Variants in ABCC4 observed in about 807,000 individuals in gnomAD.
ABCC4 encodes ATP binding cassette subfamily C member 4 (PEL blood group).
A neutral mutation model predicts 168.5 loss-of-function variants in ABCC4; 102 were observed. The observed-to-expected ratio is 0.61, with a 90% CI of 0.52 to 0.71. The LOEUF (loss-of-function observed/expected upper bound fraction) is 0.71, where lower values mean the gene tolerates loss of function less well. Among genes scored for constraint, ABCC4 ranks in the 30% least tolerant of loss-of-function variants. The probability of loss-of-function intolerance (pLI) is 0.00; values close to 1 mark genes in which losing one functional copy is unlikely to be tolerated. For missense variants in ABCC4, 1,402 were observed against 1,605.8 expected, an observed-to-expected ratio of 0.87 and a Z score of 2.17; for synonymous variants, 617 against 590.7, an observed-to-expected ratio of 1.04 and a Z score of -0.65.
At chr13:95,133,043 T>C (rs144606117) in intron 19 of ABCC4, among the ~76,000 whole-genome samples, 3 of 151,882 alleles carry the variant, frequency 2.0e-5, no homozygotes, top group African/African-American at 4.8e-5. Context: ...CCAAACTATA[T>C]AGAGTACTTA....
At chr13:95,188,085 A>AG (rs2139623569) in intron 10 of ABCC4, among the ~76,000 whole-genome samples, 1 of 152,326 alleles carries the variant, frequency 6.6e-6, no homozygotes, top group Non-Finnish European at 1.5e-5. Context: ...AAAGCTTTTC[A>AG]GACAAGCCTT....
chr13:95,065,261 G>A (rs904556545), intron 25 of ABCC4, among the ~76,000 whole-genome samples: 6 of 152,266 alleles, frequency 3.9e-5, no homozygotes, highest in African/African-American at 9.6e-5. Context: ...TTACCTCAGT[G>A]CAAGGCTGCA....
chr13:95,060,781 T>C (rs1293922394), intron 26 of ABCC4, among the ~76,000 whole-genome samples: 1 of 152,204 alleles, frequency 6.6e-6, no homozygotes, highest in African/African-American at 2.4e-5. Context: ...CATTTCAAAG[T>C]CAACATTTCA....
At chr13:95,063,011 G>A in intron 25 of ABCC4, 152 bp from the exon 26 acceptor site, 1 of 921,364 alleles carries the variant, frequency 1.1e-6, no homozygotes, top group Non-Finnish European at 1.6e-6. Flanking sequence ...CAGCACTGAT[G>A]ACCTTCTGAG....
At chr13:95,228,507 G>A (rs1300438692) in intron 4 of ABCC4, among the ~76,000 whole-genome samples, 1 of 152,120 alleles carries the variant, frequency 6.6e-6, no homozygotes, top group African/African-American at 2.4e-5. Flanking sequence ...AGGCGCAGTG[G>A]CTCACACCTG....
intron 20 of ABCC4, among the ~76,000 whole-genome samples, chr13:95,110,079 C>T (rs570834046): frequency 5.3e-5 from 8 of 152,230 alleles, no homozygotes; most frequent in East Asian, 1.9e-4. Context: ...GAGGCCGAGA[C>T]GGGCAGATCA....
intron 20 of ABCC4, among the ~76,000 whole-genome samples, chr13:95,083,572 G>A (rs2034168181): frequency 6.7e-6 from 1 of 149,568 alleles, no homozygotes; most frequent in Admixed American, 6.7e-5. Flanking sequence ...TGTCACCCAG[G>A]CTGGAGTGAA....
intron 1 of ABCC4, among the ~76,000 whole-genome samples, chr13:95,262,610 T>C (rs1347782641): frequency 6.6e-6 from 1 of 150,696 alleles, no homozygotes; most frequent in African/African-American, 2.5e-5. Flanking sequence ...CCAGCTGAAG[T>C]CAAACGAAAT....
In ABCC4 at chr13:95,301,412, C is replaced by G; in HGVS notation, c.-98G>C. The G allele has an allele frequency of 9.3e-7, 1 of 1,070,206 alleles. No homozygotes were observed. Among genetic ancestry groups the G allele is most frequent in the Non-Finnish European group, 1.3e-6 (1 of 772,080 alleles). 66.3% of individuals were successfully genotyped at this position (1,070,206 alleles called of 1,614,324 possible). On this transcript the variant is annotated 5_prime_UTR_variant, in exon 1 of 31. Coordinates refer to ENST00000645237, the MANE Select transcript of ABCC4 (RefSeq NM_005845.5). The stretch of plus-strand genomic sequence containing the variant: ...ACCTCAAGCAGGGATGCTGGGGCTC[C>G]GGCCGCCACGCCTGTCCGCTCGGCT...
intron 3 of ABCC4, among the ~76,000 whole-genome samples, chr13:95,236,438 GAGA>G (rs2039772129): frequency 1.3e-5 from 2 of 152,154 alleles, no homozygotes; most frequent in Non-Finnish European, 2.9e-5. Context: ...TCTGAAGTGA[GAGA>G]AGAACAATCA....
chr13:95,084,494 T>C (rs899483266), intron 20 of ABCC4, among the ~76,000 whole-genome samples: 2 of 152,242 alleles, frequency 1.3e-5, no homozygotes, highest in Non-Finnish European at 2.9e-5. Flanking sequence ...TTTACATGTT[T>C]TAAAAGACCT....
chr13:95,140,619 A>G (rs1005549799), intron 19 of ABCC4, among the ~76,000 whole-genome samples: 51 of 152,348 alleles, frequency 3.3e-4, no homozygotes, highest in Middle Eastern at 3.4e-3. Flanking sequence ...TTGAACTTTA[A>G]AGGAAAAAAA....
intron 25 of ABCC4, among the ~76,000 whole-genome samples, chr13:95,067,161 C>A (rs913604840): frequency 1.3e-5 from 2 of 152,102 alleles, no homozygotes; most frequent in African/African-American, 2.4e-5. Flanking sequence ...CATCGCTGTG[C>A]TGAGCTGGTA....
chr13:95,023,386 C>T (rs547374196), intron 30 of ABCC4, among the ~76,000 whole-genome samples: 7 of 152,272 alleles, frequency 4.6e-5, no homozygotes, highest in African/African-American at 1.7e-4. Flanking sequence ...CTATGGGTAA[C>T]AGCACAGGTG....
intron 13 of ABCC4, among the ~76,000 whole-genome samples, chr13:95,171,676 T>C (rs1461451413): frequency 6.6e-6 from 1 of 152,148 alleles, no homozygotes; most frequent in Non-Finnish European, 1.5e-5. Context: ...GTCTTCCTCA[T>C]ATGCAGCCAC....
intron 4 of ABCC4, among the ~76,000 whole-genome samples, chr13:95,233,227 A>G (rs61972720): frequency 0.068 from 10,279 of 152,038 alleles, 383 homozygotes; most frequent in East Asian, 0.1. Context: ...CACAATGTAC[A>G]TTGTATATTG....
chr13:95,093,924 G>A (rs2034512256), intron 20 of ABCC4, among the ~76,000 whole-genome samples: 1 of 151,924 alleles, frequency 6.6e-6, no homozygotes, highest in African/African-American at 2.4e-5. Flanking sequence ...TTTTACAATA[G>A]CTGCAAAAAT....
At chr13:95,226,890 T>C (rs1236717381) in intron 4 of ABCC4, among the ~76,000 whole-genome samples, 3 of 152,232 alleles carry the variant, frequency 2.0e-5, no homozygotes, top group African/African-American at 4.8e-5. Flanking sequence ...GCTATCTCTG[T>C]GAACTGGAAG....
chr13:95,022,529 C>G (rs540547738), intron 30 of ABCC4, among the ~76,000 whole-genome samples: 6 of 152,248 alleles, frequency 3.9e-5, no homozygotes, highest in Non-Finnish European at 7.4e-5. Context: ...GAAATAATGT[C>G]AAGACTTGTG....
Sources: allele counts gnomAD v4.1 joint callset (sites outside exome capture counted in the v4.1 genomes callset), GRCh38; gene constraint gnomAD v4.1.1; transcripts MANE v1.5; gene names NCBI Gene and HGNC (gene_info 2026-07-23, HGNC 2026-07-21).